Variants in ATP6V1C2 observed in about 807,000 individuals in gnomAD.
ATP6V1C2 encodes V-type proton ATPase subunit C 2.
A neutral mutation model predicts 56.8 loss-of-function variants in ATP6V1C2; 45 were observed. That is an observed-to-expected ratio of 0.79 (90% CI 0.62 to 1.02). The LOEUF (loss-of-function observed/expected upper bound fraction) is 1.02, where lower values mean the gene tolerates loss of function less well. Ranked by LOEUF, ATP6V1C2 falls within the 50% of genes least tolerant of loss-of-function variation. The pLI is 0.00. For missense variants in ATP6V1C2, 463 were observed against 519.7 expected (o/e 0.89, Z 1.06); for synonymous variants, 220 against 201.3 (o/e 1.09, Z -0.79).
rs114715448 is a variant in ATP6V1C2, at chr2:10,742,561, G to A, written c.198-11420G>A. Among the ~76,000 whole-genome samples, 1,321 of 152,218 alleles carry A rather than the reference G, an allele frequency of 8.7e-3. 25 individuals carry two copies. Among genetic ancestry groups the A allele is most frequent in the African/African-American group, 0.03 (1,258 of 41,532 alleles). On this transcript the variant is annotated intron_variant, in intron 3 of 13. Transcript: ENST00000272238. Reference sequence around the variant, plus strand: ...GGTGCAAGGCTTCTAGGCACCCGCCGGCTGCTCCTCTCCCCATACCCCTGG... The same window carrying A: ...GGTGCAAGGCTTCTAGGCACCCGCCAGCTGCTCCTCTCCCCATACCCCTGG...
chr2:10,738,229 C>T (rs1224986410), intron 3 of ATP6V1C2, among the ~76,000 whole-genome samples: 1 of 152,164 alleles, frequency 6.6e-6, no homozygotes, highest in African/African-American at 2.4e-5. Context: ...CTGGTCTGTC[C>T]TTGCTCTGTG....
At chr2:10,740,907 A>C (rs954445047) in intron 3 of ATP6V1C2, among the ~76,000 whole-genome samples, 1 of 152,134 alleles carries the variant, frequency 6.6e-6, no homozygotes, top group Non-Finnish European at 1.5e-5. Flanking sequence ...GGCTGGTCTC[A>C]AACTCCCGAC....
At chr2:10,762,061 A>C (rs1663943065) in intron 4 of ATP6V1C2, among the ~76,000 whole-genome samples, 2 of 152,034 alleles carry the variant, frequency 1.3e-5, no homozygotes, top group South Asian at 4.1e-4. Flanking sequence ...TTTATCCTGG[A>C]ATTTCCACAG....
chr2:10,755,087 G>A (rs533360634), intron 4 of ATP6V1C2, among the ~76,000 whole-genome samples: 65 of 151,952 alleles, frequency 4.3e-4, no homozygotes, highest in Admixed American at 7.9e-4. Context: ...GCACAATCTC[G>A]GCTCACCGCA....
At position 10,735,598 on chromosome 2, in the gene ATP6V1C2, TTC is replaced by T. The variant is rs376195011; in HGVS notation, c.197+9035_197+9036del. ...AAATCTCCTGGTCTTTTTTTTTTTT[TTC>T]TCTCTTTTTTTGAGAAAGGATCTTG... On this transcript the variant is annotated intron_variant, in intron 3 of 13. Coordinates refer to ENST00000272238, the MANE Select transcript of ATP6V1C2 (RefSeq NM_001039362.2). Among the ~76,000 whole-genome samples the T allele has an allele frequency of 7.1e-3, 1,081 of 152,014 alleles. 15 individuals carry two copies. Among genetic ancestry groups the T allele is most frequent in the African/African-American group, 0.025 (1,055 of 41,390 alleles).
intron 2 of ATP6V1C2, 109 bp downstream of exon 2, chr2:10,723,087 C>T: frequency 2.2e-6 from 3 of 1,373,764 alleles, no homozygotes; most frequent in South Asian, 1.4e-5. Context: ...CAAGGCAAAG[C>T]AGGGGCTCTG....
At chr2:10,771,700 T>A (rs1664614353) in intron 6 of ATP6V1C2, 139 bp from the exon 7 acceptor site, 2 of 703,908 alleles carry the variant, frequency 2.8e-6, no homozygotes, top group Non-Finnish European at 5.1e-6. Context: ...AGAATTGCTG[T>A]GTTCTCCTAG....
In ATP6V1C2 at chr2:10,763,194, C is replaced by G. The variant is rs1352088979; in HGVS notation, c.284-1137C>G. On this transcript the variant is annotated intron_variant, in intron 4 of 13. Coordinates refer to ENST00000272238, the MANE Select transcript of ATP6V1C2 (RefSeq NM_001039362.2). This position sits in a 1 kb window ranked among gnomAD's most constrained non-coding sequence, Gnocchi z 4.2. ...TCCCTCTTCCCTGACTCACAGTGCC[C>G]CGAGTACGTAGCGCTGCCAGCCCTC... 6.6e-6 allele frequency among the ~76,000 whole-genome samples: 1 copy of G among 152,152 alleles called. No individual in the cohort carries two copies. The highest frequency in any genetic ancestry group is 1.5e-5 in the Non-Finnish European group (1 of 68,008).
In ATP6V1C2 at chr2:10,750,677, C is replaced by T. The variant is rs147346704; in HGVS notation, c.198-3304C>T. ...AGAATTCATTGATTCATTCGGCAGA[C>T]ATTGCTGAGCAGCTGCTGTGAGTCA... is the stretch of plus-strand genomic sequence containing the variant. On this transcript the variant is annotated intron_variant, in intron 3 of 13. Coordinates refer to ENST00000272238, the MANE Select transcript of ATP6V1C2 (RefSeq NM_001039362.2). 4.6e-5 allele frequency among the ~76,000 whole-genome samples: 7 copies of T among 152,334 alleles called. 1 individual carries two copies. Among genetic ancestry groups the T allele is most frequent in the African/African-American group, 1.7e-4 (7 of 41,584 alleles).
chr2:10,775,957 G>A (rs1200131436), intron 10 of ATP6V1C2, among the ~76,000 whole-genome samples: 1 of 152,176 alleles, frequency 6.6e-6, no homozygotes, highest in East Asian at 1.9e-4. Context: ...GCACTGTGAG[G>A]ACTCCCATGG....
intron 3 of ATP6V1C2, among the ~76,000 whole-genome samples, chr2:10,740,248 C>T (rs528626798): frequency 5.9e-5 from 9 of 152,244 alleles, no homozygotes; most frequent in East Asian, 1.9e-4. Context: ...AAGCTTGGTT[C>T]GTGTACCTGG....
At chr2:10,764,516 T>A (rs1664111433) in intron 5 of ATP6V1C2, 91 bp downstream of exon 5, 2 of 1,093,954 alleles carry the variant, frequency 1.8e-6, no homozygotes, top group Admixed American at 1.9e-5. Flanking sequence ...AGCCTCAGCC[T>A]GTCCTGACTG....
At position 10,725,771 on chromosome 2, in the gene ATP6V1C2, A is replaced by G. The variant is rs115397816; in HGVS notation, c.130-731A>G. Among the ~76,000 whole-genome samples the G allele has an allele frequency of 5.4e-3, 820 of 151,766 alleles. 8 individuals carry two copies. Among genetic ancestry groups the G allele is most frequent in the African/African-American group, 0.019 (775 of 41,450 alleles). ...TGGCCTCAAGATCATGGTTAATAAC[A>G]GCAAAGAACAGAGAAAAAGACGGTG... On this transcript the variant is annotated intron_variant, in intron 2 of 13. Transcript: ENST00000272238.
At chr2:10,733,932 T>G (rs1198396183) in intron 3 of ATP6V1C2, among the ~76,000 whole-genome samples, 1 of 151,992 alleles carries the variant, frequency 6.6e-6, no homozygotes, top group African/African-American at 2.4e-5. Context: ...ATCAAAGATT[T>G]CATAGCTGAG....
Position 10,783,030 on chromosome 2 carries a change from C to T in ATP6V1C2, c.1195-144C>T. ...TCTACATGTCATACACATTAAAGCACAGCAAGGAGAGGGTTGGAGGGGTGG... is the reference window on the plus strand; with the variant it reads ...TCTACATGTCATACACATTAAAGCATAGCAAGGAGAGGGTTGGAGGGGTGG... On this transcript the variant is annotated intron_variant, in intron 13 of 13. Coordinates refer to ENST00000272238, the MANE Select transcript of ATP6V1C2 (RefSeq NM_001039362.2). The T allele has an allele frequency of 5.1e-6, 3 of 592,602 alleles. No individual in the cohort carries two copies. The East Asian group carries it at 8.9e-5, about 18-fold the overall frequency. The allele number at this position is 592,602 out of a possible 1,614,324, so 36.7% of individuals were successfully genotyped here. A position where few individuals can be genotyped will look rare whatever the true frequency, so the allele number is the denominator to read the frequency against.
chr2:10,740,805 G>C (rs1662508361), intron 3 of ATP6V1C2, among the ~76,000 whole-genome samples: 1 of 152,190 alleles, frequency 6.6e-6, no homozygotes, highest in Admixed American at 6.5e-5. Flanking sequence ...TGCTGCCTCA[G>C]CCTCCCAAGT....
At chr2:10,738,617 A>G (rs900462041) in intron 3 of ATP6V1C2, among the ~76,000 whole-genome samples, 1 of 152,216 alleles carries the variant, frequency 6.6e-6, no homozygotes, top group African/African-American at 2.4e-5. Context: ...CAGCCCCAGT[A>G]AATGGCAGCC....
Position 10,726,511 on chromosome 2 carries a change from T to C in ATP6V1C2, c.139T>C (p.Leu47=), listed in dbSNP as rs1661648862. 1 of 1,613,764 alleles carries C rather than the reference T, an allele frequency of 6.2e-7. No homozygotes were observed. Among genetic ancestry groups the C allele is most frequent in the African/African-American group, 1.3e-5 (1 of 74,908 alleles). Residue 47 remains leucine (L), a synonymous_variant, in exon 3 of 14, where the codon TTG becomes CTG. Coordinates refer to ENST00000272238, the MANE Select transcript of ATP6V1C2 (RefSeq NM_001039362.2). ...TTTATGATCTGTCTAGGTGGGGACCTTGGATTCCCTGGTTGGCCTCTCTGA... is the reference window on the plus strand; with the variant it reads ...TTTATGATCTGTCTAGGTGGGGACCCTGGATTCCCTGGTTGGCCTCTCTGA... The part of the protein sequence containing the change: ...FAIPDFKVGT[L]DSLVGLSDEL...
chr2:10,745,440 C>T (rs991305328), intron 3 of ATP6V1C2, among the ~76,000 whole-genome samples: 6 of 150,876 alleles, frequency 4.0e-5, no homozygotes, highest in African/African-American at 9.8e-5. Context: ...CTGCAACCTC[C>T]ACCTCCCTGA....
Sources: gnomAD v4.1 joint callset for allele counts (sites outside exome capture counted in the v4.1 genomes callset) on GRCh38, gnomAD v4.1.1 for gene constraint, Gnocchi (gnomAD v3.1) non-coding constraint, MANE v1.5 for transcripts, NCBI Gene and HGNC (gene_info 2026-07-23, HGNC 2026-07-21) for gene names.